Variants in OR51B5 observed in about 807,000 individuals in gnomAD.
The protein encoded by OR51B5 is olfactory receptor family 51 subfamily B member 5.
For missense variants in OR51B5, 456 were observed against 374.6 expected, an observed-to-expected ratio of 1.22 and a Z score of -1.79; for synonymous variants, 186 against 144.8, an observed-to-expected ratio of 1.28 and a Z score of -2.04.
At chr11:5,490,013 G>A (rs1442028797) in intron 1 of OR51B5, among the ~76,000 whole-genome samples, 2 of 152,152 alleles carry the variant, frequency 1.3e-5, no homozygotes, top group Non-Finnish European at 2.9e-5. Flanking sequence ...ACAAAGAAAA[G>A]GTTTGGAATG....
intron 1 of OR51B5, among the ~76,000 whole-genome samples, chr11:5,412,310 G>A (rs1850160458): frequency 6.6e-6 from 1 of 152,198 alleles, no homozygotes; most frequent in African/African-American, 2.4e-5. Context: ...ACCGGGAGGA[G>A]CCAAGATGGC....
intron 1 of OR51B5, chr11:5,489,502 C>G: frequency 3.1e-6 from 5 of 1,614,050 alleles, no homozygotes; most frequent in Non-Finnish European, 4.2e-6. Flanking sequence ...CCTCACCCAC[C>G]GCTTTGGTCA....
At chr11:5,436,044 G>A (rs1274409040) in intron 1 of OR51B5, among the ~76,000 whole-genome samples, 1 of 152,102 alleles carries the variant, frequency 6.6e-6, no homozygotes, top group East Asian at 1.9e-4. Context: ...TACTACTTAG[G>A]CTGTAACTGA....
chr11:5,435,724 C>CTCCTG (rs1324427819), intron 1 of OR51B5, among the ~76,000 whole-genome samples: 5 of 152,072 alleles, frequency 3.3e-5, no homozygotes, highest in South Asian at 2.1e-4. Context: ...CACAAAAGTC[C>CTCCTG]TCCTGTCAGA....
chr11:5,364,330 G>A (rs1849333565), intron 1 of OR51B5, among the ~76,000 whole-genome samples: 1 of 152,152 alleles, frequency 6.6e-6, no homozygotes, highest in Admixed American at 6.6e-5. Flanking sequence ...GGAATTTGGG[G>A]TGATATGGAG....
At chr11:5,409,702 G>A (rs968422508) in intron 1 of OR51B5, among the ~76,000 whole-genome samples, 10 of 152,116 alleles carry the variant, frequency 6.6e-5, no homozygotes, top group African/African-American at 2.2e-4. Context: ...AACATTCATG[G>A]AAACTTAAAC....
chr11:5,477,191 C>T (rs1397319923), intron 1 of OR51B5, among the ~76,000 whole-genome samples: 7 of 152,250 alleles, frequency 4.6e-5, no homozygotes, highest in Admixed American at 2.0e-4. Flanking sequence ...ATTTCGTGAG[C>T]GCCAGGGGAG....
exon 1 of OR51B5, chr11:5,343,413 A>G (rs763471851): frequency 1.2e-6 from 2 of 1,613,738 alleles, no homozygotes; most frequent in Non-Finnish European, 1.7e-6. Context: ...CCATTGCCAA[A>G]AAGGATGGAT....
upstream of OR51B5, among the ~76,000 whole-genome samples, chr11:5,347,781 G>A (rs1006549367): frequency 6.6e-6 from 1 of 151,932 alleles, no homozygotes; most frequent in South Asian, 2.1e-4. Flanking sequence ...AGGGAGAGAG[G>A]GAAGAGAGGA....
chr11:5,347,813 G>T (rs1158403182), upstream of OR51B5, among the ~76,000 whole-genome samples: 3 of 151,872 alleles, frequency 2.0e-5, no homozygotes, highest in Non-Finnish European at 4.4e-5. Flanking sequence ...AGGGAGGGAG[G>T]GAAGAACAAT....
At chr11:5,398,901 C>G (rs1043669270) in intron 1 of OR51B5, among the ~76,000 whole-genome samples, 1 of 152,182 alleles carries the variant, frequency 6.6e-6, no homozygotes, top group Non-Finnish European at 1.5e-5. Context: ...ATTACCCAGT[C>G]TCAGGTAGTA....
At chr11:5,470,216 G>A (rs969283215) in intron 1 of OR51B5, among the ~76,000 whole-genome samples, 1 of 152,156 alleles carries the variant, frequency 6.6e-6, no homozygotes, top group African/African-American at 2.4e-5. Context: ...TAAACTCATA[G>A]GCAATTCCCG....
chr11:5,466,765 T>C (rs769922389), intron 1 of OR51B5, among the ~76,000 whole-genome samples: 1 of 152,206 alleles, frequency 6.6e-6, no homozygotes, highest in Non-Finnish European at 1.5e-5. Context: ...CCTCTGTTGC[T>C]GTTCAAATGG....
intron 1 of OR51B5, chr11:5,351,696 G>A: frequency 2.5e-6 from 4 of 1,614,052 alleles, no homozygotes; most frequent in Non-Finnish European, 2.5e-6. Flanking sequence ...TCTTAGCTAT[G>A]TTGGCAGCTA....
chr11:5,364,543 A>G (rs895986239), intron 1 of OR51B5, among the ~76,000 whole-genome samples: 12 of 152,220 alleles, frequency 7.9e-5, no homozygotes, highest in Non-Finnish European at 1.8e-4. Context: ...CAGTGCTTTG[A>G]AGAGAGTAGG....
intron 1 of OR51B5, among the ~76,000 whole-genome samples, chr11:5,370,134 T>A (rs902048957): frequency 2.0e-5 from 3 of 152,188 alleles, no homozygotes; most frequent in Non-Finnish European, 2.9e-5. Flanking sequence ...TACAGGTATA[T>A]AAATGCTAGA....
intron 1 of OR51B5, chr11:5,351,578 G>T: frequency 6.2e-7 from 1 of 1,614,026 alleles, no homozygotes; most frequent in Non-Finnish European, 8.5e-7. Context: ...GCACATCACT[G>T]GATATTCATC....
intron 1 of OR51B5, among the ~76,000 whole-genome samples, chr11:5,410,493 A>C (rs2133749642): frequency 6.6e-6 from 1 of 152,306 alleles, no homozygotes; most frequent in South Asian, 2.1e-4. Flanking sequence ...TTCAATCAAC[A>C]ACGGACTGCA....
chr11:5,356,021 T>TG (rs34008311), intron 1 of OR51B5, among the ~76,000 whole-genome samples: 52,102 of 144,948 alleles, frequency 0.36, 10,993 homozygotes, highest in Non-Finnish European at 0.39. Flanking sequence ...ACCACAAAGA[T>TG]GGGGAAAAAC....
Sources: gnomAD v4.1 joint callset for allele counts (sites outside exome capture counted in the v4.1 genomes callset) on GRCh38, gnomAD v4.1.1 for gene constraint, MANE v1.5 for transcripts, NCBI Gene and HGNC (gene_info 2026-07-23, HGNC 2026-07-21) for gene names.